TBX5: variants seen among roughly 807,000 people sequenced by gnomAD.
The protein encoded by TBX5 is T-box transcription factor TBX5.
Under a neutral mutation model 51.1 loss-of-function variants are expected in TBX5, and 8 were observed. That is an observed-to-expected ratio of 0.16 (90% CI 0.09 to 0.28). The LOEUF (loss-of-function observed/expected upper bound fraction) is 0.28. TBX5 is among the 10% of genes least tolerant of loss of function. TBX5 has a pLI of 1.00. For missense variants in TBX5, 589 were observed against 671.7 expected (o/e 0.88, Z 1.36); for synonymous variants, 302 against 266.4 (o/e 1.13, Z -1.30).
intron 8 of TBX5, among the ~76,000 whole-genome samples, chr12:114,360,397 T>C (rs1188499328): frequency 6.8e-6 from 1 of 146,578 alleles, no homozygotes; most frequent in East Asian, 2.0e-4. Flanking sequence ...GGTGGGTGGA[T>C]GGATGGATGA....
intron 6 of TBX5, among the ~76,000 whole-genome samples, chr12:114,393,299 AT>A (rs1165593701): frequency 6.6e-6 from 1 of 151,938 alleles, no homozygotes; most frequent in African/African-American, 2.4e-5. Context: ...CTCCACATCC[AT>A]CTAGGTGACC....
At position 114,366,376 on chromosome 12, in the gene TBX5, C is replaced by A. The variant is rs1247812518; in HGVS notation, c.771G>T (p.Val257=). The change falls in exon 8 of 9, where the codon GTG becomes GTT. Residue 257 remains valine, a synonymous_variant. Transcript: ENST00000405440. ...TTTGCCTCACGGTGCTCCTGGGGACCACGGGATATTCTTTACTGAAAGAGA... is the reference window on the plus strand; with the variant it reads ...TTTGCCTCACGGTGCTCCTGGGGACAACGGGATATTCTTTACTGAAAGAGA... The part of the protein sequence containing the change: ...MSRMQSKEYP[V]VPRSTVRQKV... The A allele has an allele frequency of 6.2e-7, 1 of 1,614,068 alleles. No individual in the cohort carries two copies. The highest frequency in any genetic ancestry group is 1.7e-5 in the Admixed American group (1 of 60,006).
In TBX5 at chr12:114,394,665, G is replaced by T. The variant is rs1458989720; in HGVS notation, c.663+76C>A. ...TGCCATTCAGAGGAGCAAAGTTCCA[G>T]CAGGAAAACCTTGCAGATTCATGCA... On this transcript the variant is annotated intron_variant, in intron 6 of 8. Coordinates refer to ENST00000405440, the MANE Select transcript of TBX5 (RefSeq NM_181486.4). The T allele has an allele frequency of 7.5e-6, 12 of 1,601,088 alleles. No homozygotes were observed. In the East Asian group the frequency reaches 2.5e-4, roughly 33 times the overall value.
At chr12:114,402,467 A>C (rs922451913) in intron 2 of TBX5, among the ~76,000 whole-genome samples, 1 of 152,240 alleles carries the variant, frequency 6.6e-6, no homozygotes, top group African/African-American at 2.4e-5. Flanking sequence ...ATTCTCGACC[A>C]TGGTGAGTGC....
chr12:114,372,679 C>T (rs1287415770), intron 7 of TBX5, among the ~76,000 whole-genome samples: 1 of 152,048 alleles, frequency 6.6e-6, no homozygotes, highest in African/African-American at 2.4e-5. Flanking sequence ...GCACTTCTCT[C>T]CCTGGCCTTA....
At chr12:114,396,598 G>C (rs915792912) in intron 5 of TBX5, among the ~76,000 whole-genome samples, 3 of 152,132 alleles carry the variant, frequency 2.0e-5, no homozygotes, top group Non-Finnish European at 4.4e-5. Context: ...CCGCCCTAGA[G>C]AGACCCCAAA....
intron 6 of TBX5, among the ~76,000 whole-genome samples, chr12:114,388,568 C>G (rs1190822712): frequency 6.6e-6 from 1 of 152,026 alleles, no homozygotes; most frequent in Non-Finnish European, 1.5e-5. Flanking sequence ...ACATTGACCT[C>G]CCAAGCTGGA....
chr12:114,386,052 C>T (rs897567746), intron 6 of TBX5, among the ~76,000 whole-genome samples: 2 of 152,104 alleles, frequency 1.3e-5, no homozygotes, highest in Non-Finnish European at 2.9e-5. Flanking sequence ...TATTATGCCT[C>T]ATTTCATGTT....
intron 5 of TBX5, among the ~76,000 whole-genome samples, chr12:114,397,778 GA>G (rs141432891): frequency 4.8e-4 from 73 of 151,726 alleles, no homozygotes; most frequent in African/African-American, 1.7e-3. Context: ...CTGGTTGTTG[GA>G]AAAAAAACAG....
intron 6 of TBX5, 93 bp from the exon 7 acceptor site, chr12:114,385,660 T>C: frequency 1.8e-6 from 2 of 1,090,384 alleles, no homozygotes; most frequent in South Asian, 1.3e-5. Flanking sequence ...ATCATGGAAA[T>C]GCAGCCTCTG....
At chr12:114,408,343 G>A (rs544619358), upstream of TBX5, 68 of 444,848 alleles carry the variant, frequency 1.5e-4, 1 homozygote, top group Non-Finnish European at 2.0e-4. Flanking sequence ...AGGGGGAGAG[G>A]AGGGAACTCT....
At chr12:114,376,908 G>T (rs1037720711) in intron 7 of TBX5, among the ~76,000 whole-genome samples, 2 of 152,000 alleles carry the variant, frequency 1.3e-5, no homozygotes, top group Non-Finnish European at 2.9e-5. Context: ...GTTAGGTGGG[G>T]GTGGGGGTAC....
chr12:114,374,900 AG>A (rs1415144618), intron 7 of TBX5, among the ~76,000 whole-genome samples: 1 of 152,194 alleles, frequency 6.6e-6, no homozygotes. Context: ...GAGGGACGGA[AG>A]GATGGCTAGA....
intron 7 of TBX5, 108 bp from the exon 8 acceptor site, chr12:114,366,499 A>G (rs1869551180): frequency 1.9e-6 from 2 of 1,045,766 alleles, no homozygotes; most frequent in Admixed American, 1.9e-5. Flanking sequence ...CAGAATAAGG[A>G]AAAAAAAGAG....
In TBX5 at chr12:114,402,384, A is replaced by C. The variant is rs991318183; in HGVS notation, c.148-464T>G. The stretch of plus-strand genomic sequence containing the variant: ...AAAAACTAGGAACCTAATCTAGAAA[A>C]CCACTCAGAATATTCTCATGTAGAC... On this transcript the variant is annotated intron_variant, in intron 2 of 8. Transcript: ENST00000405440. Among the ~76,000 whole-genome samples, 6 of 152,204 alleles carry C rather than the reference A, an allele frequency of 3.9e-5. 1 individual carries two copies. The highest frequency in any genetic ancestry group is 1.4e-4 in the African/African-American group (6 of 41,452).
intron 7 of TBX5, among the ~76,000 whole-genome samples, chr12:114,374,458 T>C (rs1258407307): frequency 1.3e-5 from 2 of 151,386 alleles, no homozygotes; most frequent in African/African-American, 4.9e-5. Flanking sequence ...ACACTGGGAG[T>C]TTTTAAAAGC....
Position 114,355,839 on chromosome 12 carries a change from G to T in TBX5, c.1250C>A (p.Pro417His). 1 of 1,613,976 alleles carries T rather than the reference G, an allele frequency of 6.2e-7. No homozygotes were observed. The highest frequency in any genetic ancestry group is 8.5e-7 in the Non-Finnish European group (1 of 1,180,030). Residue 417 changes from proline (P) to histidine (H), a missense_variant, in exon 9 of 9, where the codon CCC becomes CAC. Transcript: ENST00000405440. Reference sequence around the variant, plus strand: ...GTGCTGGTAGGGTAGCCTGTCCATGGGCTGCACGGTGGTGACGGTGCAGCT... The same window carrying T: ...GTGCTGGTAGGGTAGCCTGTCCATGTGCTGCACGGTGGTGACGGTGCAGCT... Reference protein sequence around the residue: ...YSSCTVTTVQPMDRLPYQHFS... With the variant: ...YSSCTVTTVQHMDRLPYQHFS...
chr12:114,372,240 ATACAAAT>A (rs1478348667), intron 7 of TBX5, among the ~76,000 whole-genome samples: 2 of 152,206 alleles, frequency 1.3e-5, no homozygotes, highest in Non-Finnish European at 2.9e-5. Context: ...CTCTAAATTT[ATACAAAT>A]TTCAAAAAAG....
In TBX5 at chr12:114,396,279, G is replaced by A. The variant is rs560158923; in HGVS notation, c.511-1386C>T. ...CGATAGCGACGCCGACCGGGGCGGC[G>A]TGGCGACAGAGAGACGCAGCGGGGC... On this transcript the variant is annotated intron_variant, in intron 5 of 8. Transcript: ENST00000405440. Among the ~76,000 whole-genome samples the A allele has an allele frequency of 1.7e-4, 26 of 151,984 alleles. No homozygotes were observed. The South Asian group carries it at 3.7e-3, about 22-fold the overall frequency.
Sources: gnomAD v4.1 joint callset for allele counts (sites outside exome capture counted in the v4.1 genomes callset) on GRCh38, gnomAD v4.1.1 for gene constraint, MANE v1.5 for transcripts, NCBI Gene and HGNC (gene_info 2026-07-23, HGNC 2026-07-21) for gene names.